Variants in MAGI2 observed in about 807,000 individuals in gnomAD.
The protein encoded by MAGI2 is membrane associated guanylate kinase, WW and PDZ domain containing 2, also known as membrane-associated guanylate kinase, WW and PDZ domain-containing protein 2.
A neutral mutation model predicts 133.3 loss-of-function variants in MAGI2; 35 were observed. The ratio of observed to expected loss-of-function variants is 0.26; its 90% CI spans 0.20 to 0.35. The LOEUF (loss-of-function observed/expected upper bound fraction) is 0.35. Ranked by LOEUF, MAGI2 falls within the 10% of genes least tolerant of loss-of-function variation. The pLI is 1.00. For missense variants in MAGI2, 1,636 were observed against 1,863.4 expected, an observed-to-expected ratio of 0.88 and a Z score of 2.25; for synonymous variants, 729 against 710.6, an observed-to-expected ratio of 1.03 and a Z score of -0.41.
intron 2 of MAGI2, among the ~76,000 whole-genome samples, chr7:78,787,263 A>G (rs1343310575): frequency 1.3e-5 from 2 of 152,164 alleles, no homozygotes; most frequent in Non-Finnish European, 2.9e-5. Context: ...GTTTCTAACT[A>G]CAAGATGGAA....
chr7:78,859,140 C>A (rs546505177), intron 2 of MAGI2, among the ~76,000 whole-genome samples: 1 of 151,970 alleles, frequency 6.6e-6, no homozygotes, highest in Non-Finnish European at 1.5e-5. Context: ...TGTCTCTGCA[C>A]GTGAGATGGG....
intron 6 of MAGI2, among the ~76,000 whole-genome samples, chr7:78,380,254 A>C (rs1794801765): frequency 6.6e-6 from 1 of 152,056 alleles, no homozygotes; most frequent in Admixed American, 6.6e-5. Flanking sequence ...AGCTAGCTTA[A>C]GATTAAAAAG....
At chr7:78,091,010 T>C (rs1276201967) in intron 20 of MAGI2, among the ~76,000 whole-genome samples, 2 of 152,046 alleles carry the variant, frequency 1.3e-5, no homozygotes, top group Non-Finnish European at 2.9e-5. Flanking sequence ...CAATATCTTT[T>C]GTAGCTTTTA....
intron 10 of MAGI2, chr7:78,254,435 T>A (rs1330989375): frequency 6.6e-6 from 1 of 152,232 alleles, no homozygotes; most frequent in Non-Finnish European, 1.5e-5. Flanking sequence ...AATGTTTATT[T>A]TAATCTTAAG....
At chr7:78,968,345 TGAACA>T (rs1176608693) in intron 2 of MAGI2, among the ~76,000 whole-genome samples, 2 of 152,066 alleles carry the variant, frequency 1.3e-5, no homozygotes, top group Non-Finnish European at 2.9e-5. Flanking sequence ...TTGGGTAGTA[TGAACA>T]TTTGATCAGT....
rs924759374 is a variant in MAGI2, at chr7:78,349,715, G to A, written c.1104-3672C>T. 6.6e-5 allele frequency among the ~76,000 whole-genome samples: 10 copies of A among 152,260 alleles called. No homozygotes were observed. In the South Asian group the frequency reaches 2.1e-3, roughly 32 times the overall value. ...CTAATTGCTACAGAACATTTCCATT[G>A]TCACAAATGAAGTCATTCATTTGAA... On this transcript the variant is annotated intron_variant, in intron 7 of 21. Transcript: ENST00000354212.
intron 2 of MAGI2, among the ~76,000 whole-genome samples, chr7:78,909,001 G>A (rs112806861): frequency 0.092 from 13,973 of 151,392 alleles, 1,509 homozygotes; most frequent in African/African-American, 0.25. Context: ...CACAGCAAAA[G>A]AAACTATCAT....
intron 4 of MAGI2, among the ~76,000 whole-genome samples, chr7:78,520,222 G>A (rs1278777011): frequency 6.6e-6 from 1 of 152,100 alleles, no homozygotes; most frequent in Non-Finnish European, 1.5e-5. Context: ...ACCTTGATTA[G>A]CACAAATTCG....
intron 3 of MAGI2, among the ~76,000 whole-genome samples, chr7:78,623,844 C>T (rs527248352): frequency 1.9e-4 from 29 of 152,206 alleles, no homozygotes; most frequent in Admixed American, 5.9e-4. Context: ...AAAGTTGTAA[C>T]GGAGCTGAAA....
chr7:79,417,591 T>G (rs2129176639), intron 1 of MAGI2, among the ~76,000 whole-genome samples: 1 of 152,262 alleles, frequency 6.6e-6, no homozygotes, highest in Middle Eastern at 3.4e-3. Context: ...TAGACTGAAC[T>G]AATTCAGATT....
intron 2 of MAGI2, among the ~76,000 whole-genome samples, chr7:78,672,663 T>A (rs950784288): frequency 2.0e-5 from 3 of 152,218 alleles, no homozygotes; most frequent in Admixed American, 2.0e-4. Flanking sequence ...GTTCTCAAAG[T>A]GTGGTTCTCA....
intron 2 of MAGI2, among the ~76,000 whole-genome samples, chr7:78,665,183 C>A (rs1475294156): frequency 6.6e-6 from 1 of 151,898 alleles, no homozygotes; most frequent in Non-Finnish European, 1.5e-5. Context: ...GATGTTACTA[C>A]CTACGATTAT....
chr7:78,697,853 T>G (rs1817674879), intron 2 of MAGI2, among the ~76,000 whole-genome samples: 1 of 152,154 alleles, frequency 6.6e-6, no homozygotes, highest in Non-Finnish European at 1.5e-5. Flanking sequence ...ATACACTTTT[T>G]GAAACTCTGA....
At chr7:79,273,656 A>ATTG (rs149970286) in intron 1 of MAGI2, among the ~76,000 whole-genome samples, 89,889 of 149,654 alleles carry the variant, frequency 0.6, 28,628 homozygotes, top group Non-Finnish European at 0.7. Flanking sequence ...GGGGTGTTCG[A>ATTG]TTGTTGTTGT....
chr7:78,944,211 C>A lies in MAGI2; in HGVS notation c.418+62879G>T, dbSNP rs142925750. 3.3e-5 allele frequency among the ~76,000 whole-genome samples: 5 copies of A among 152,272 alleles called. No individual in the cohort carries two copies. The East Asian group carries it at 9.7e-4, about 29-fold the overall frequency. On this transcript the variant is annotated intron_variant, in intron 2 of 21. Transcript: ENST00000354212. ...CTACACTCATACTATTGCACTCATA[C>A]TTTTATAATGATCCCCCTGACTCTG...
chr7:79,022,778 T>A (rs1208988812), intron 1 of MAGI2, among the ~76,000 whole-genome samples: 1 of 151,524 alleles, frequency 6.6e-6, no homozygotes, highest in African/African-American at 2.4e-5. Flanking sequence ...TCTGAAAACA[T>A]ACACCATCCC....
At chr7:78,918,933 T>A (rs1340557525) in intron 2 of MAGI2, among the ~76,000 whole-genome samples, 1 of 152,140 alleles carries the variant, frequency 6.6e-6, no homozygotes, top group East Asian at 1.9e-4. Context: ...CTATTTCAAT[T>A]CGGCAAGAAA....
intron 2 of MAGI2, among the ~76,000 whole-genome samples, chr7:78,969,735 A>G (rs577894190): frequency 6.6e-6 from 1 of 152,188 alleles, no homozygotes; most frequent in Middle Eastern, 3.4e-3. Context: ...ATTTAGAAAA[A>G]GCAGTTGACT....
intron 1 of MAGI2, among the ~76,000 whole-genome samples, chr7:79,080,989 A>G (rs1815987976): frequency 6.6e-6 from 1 of 151,978 alleles, no homozygotes; most frequent in Non-Finnish European, 1.5e-5. Flanking sequence ...CCTCCCCAAA[A>G]CACACAGTTC....
Sources: allele counts gnomAD v4.1 joint callset (sites outside exome capture counted in the v4.1 genomes callset), GRCh38; gene constraint gnomAD v4.1.1; transcripts MANE v1.5; gene names NCBI Gene and HGNC (gene_info 2026-07-23, HGNC 2026-07-21).